The following VAV3 variants were observed in gnomAD, a reference collection of about 807,000 sequenced individuals.
VAV3 encodes guanine nucleotide exchange factor VAV3.
A neutral mutation model predicts 131.2 loss-of-function variants in VAV3; 94 were observed. The observed-to-expected ratio is 0.72, with a 90% CI of 0.61 to 0.85. The LOEUF (loss-of-function observed/expected upper bound fraction) is 0.85. VAV3 is among the 40% of genes least tolerant of loss of function. The probability of loss-of-function intolerance (pLI) is 0.00; values close to 1 mark genes in which losing one functional copy is unlikely to be tolerated. For missense variants in VAV3, 939 were observed against 1,002.7 expected (o/e 0.94, Z 0.86); for synonymous variants, 349 against 342.0 (o/e 1.02, Z -0.22).
chr1:107,845,352 C>G (rs1296978845), intron 2 of VAV3, among the ~76,000 whole-genome samples: 1 of 152,162 alleles, frequency 6.6e-6, no homozygotes, highest in African/African-American at 2.4e-5. Flanking sequence ...AAAACCAGCA[C>G]AAAAAGGCTG....
chr1:107,955,052 T>G (rs763497832), intron 1 of VAV3, among the ~76,000 whole-genome samples: 3 of 152,186 alleles, frequency 2.0e-5, no homozygotes, highest in Non-Finnish European at 4.4e-5. Context: ...GTGATAATCA[T>G]TATAGTAAAA....
chr1:107,816,631 C>T (rs191525304), intron 2 of VAV3, among the ~76,000 whole-genome samples: 76 of 152,274 alleles, frequency 5.0e-4, no homozygotes, highest in African/African-American at 1.7e-3. Flanking sequence ...TGTCTCTTGA[C>T]TCATTTATTT....
At chr1:107,654,042 T>C (rs1446073291) in intron 19 of VAV3, among the ~76,000 whole-genome samples, 1 of 152,100 alleles carries the variant, frequency 6.6e-6, no homozygotes, top group Non-Finnish European at 1.5e-5. Context: ...AATATTTTCA[T>C]TTACATATGA....
At chr1:107,702,808 A>C (rs375509538) in intron 17 of VAV3, among the ~76,000 whole-genome samples, 4 of 142,306 alleles carry the variant, frequency 2.8e-5, no homozygotes, top group Admixed American at 7.0e-5. Flanking sequence ...AAAAAAAAAA[A>C]AAACCTGATT....
chr1:107,834,662 G>C (rs562132767), intron 2 of VAV3, among the ~76,000 whole-genome samples: 6 of 151,512 alleles, frequency 4.0e-5, no homozygotes, highest in Admixed American at 2.6e-4. Context: ...CCCACCAAGA[G>C]AGACCAAAAT....
intron 25 of VAV3, chr1:107,576,280 G>C (rs748248100): frequency 8.3e-6 from 7 of 848,034 alleles, no homozygotes; most frequent in Non-Finnish European, 1.2e-5. Context: ...TGGAACTCGA[G>C]GGATTGTCTG....
chr1:107,880,802 A>C (rs1361319790), intron 1 of VAV3, among the ~76,000 whole-genome samples: 1 of 58,496 alleles, frequency 1.7e-5, no homozygotes, highest in Non-Finnish European at 3.4e-5. Context: ...TCTCCAAAAA[A>C]AAAAAAGAAA....
intron 21 of VAV3, among the ~76,000 whole-genome samples, chr1:107,615,218 A>T (rs973310306): frequency 2.0e-5 from 3 of 152,160 alleles, no homozygotes; most frequent in Non-Finnish European, 4.4e-5. Flanking sequence ...GGCAATGGGG[A>T]TAAGATTCCC....
At chr1:107,953,762 T>A (rs537863797) in intron 1 of VAV3, among the ~76,000 whole-genome samples, 2 of 152,282 alleles carry the variant, frequency 1.3e-5, no homozygotes, top group African/African-American at 4.8e-5. Context: ...AGCACGACGC[T>A]TGTTTATTCA....
At chr1:107,938,598 G>T (rs181891958) in intron 1 of VAV3, among the ~76,000 whole-genome samples, 3 of 152,184 alleles carry the variant, frequency 2.0e-5, no homozygotes, top group Non-Finnish European at 4.4e-5. Context: ...CCCAGTGGAT[G>T]ACTTGGTTGT....
intron 25 of VAV3, among the ~76,000 whole-genome samples, chr1:107,588,210 G>A (rs11185140): frequency 0.19 from 29,488 of 152,174 alleles, 3,157 homozygotes; most frequent in South Asian, 0.31. Context: ...ATGAAGATGT[G>A]CAATTGCAGT....
chr1:107,885,879 A>C (rs1336711546), intron 1 of VAV3, among the ~76,000 whole-genome samples: 2 of 152,206 alleles, frequency 1.3e-5, no homozygotes, highest in Non-Finnish European at 2.9e-5. Flanking sequence ...TGGGAGCTAC[A>C]GGTTCTTTCC....
chr1:107,958,517 G>C (rs1322251859), intron 1 of VAV3, among the ~76,000 whole-genome samples: 2 of 152,030 alleles, frequency 1.3e-5, no homozygotes, highest in African/African-American at 4.8e-5. Context: ...ATGTTCAAAG[G>C]GCAACACTGT....
At chr1:107,768,236 TTGAC>T (rs1187701767) in intron 7 of VAV3, among the ~76,000 whole-genome samples, 1 of 152,190 alleles carries the variant, frequency 6.6e-6, no homozygotes, top group Non-Finnish European at 1.5e-5. Context: ...TTCGTACATG[TTGAC>T]TGACTTTTGG....
At chr1:107,615,925 G>A (rs553621400) in intron 21 of VAV3, among the ~76,000 whole-genome samples, 2 of 152,216 alleles carry the variant, frequency 1.3e-5, no homozygotes, top group South Asian at 4.2e-4. Flanking sequence ...AGTAAGAATG[G>A]CTTTTATTAA....
chr1:107,659,150 T>C lies in VAV3; in HGVS notation c.1778-16395A>G, dbSNP rs538364409. ...TATAAGGTGTAAGGAAGGGATCCAGTTTCAGCTTTCTACATATGGCTAGCC... is the reference window on the plus strand; with the variant it reads ...TATAAGGTGTAAGGAAGGGATCCAGCTTCAGCTTTCTACATATGGCTAGCC... On this transcript the variant is annotated intron_variant, in intron 19 of 26. Coordinates refer to ENST00000370056, the MANE Select transcript of VAV3 (RefSeq NM_006113.5). Among the ~76,000 whole-genome samples the C allele has an allele frequency of 5.3e-5, 8 of 152,186 alleles. No individual in the cohort carries two copies. In the South Asian group the frequency reaches 1.7e-3, roughly 32 times the overall value.
chr1:107,932,957 A>G (rs1251609702), intron 1 of VAV3, among the ~76,000 whole-genome samples: 2 of 152,222 alleles, frequency 1.3e-5, no homozygotes, highest in African/African-American at 4.8e-5. Flanking sequence ...CTGTTAAAAT[A>G]CTGAATTTGG....
chr1:107,922,876 C>T (rs570632889), intron 1 of VAV3, among the ~76,000 whole-genome samples: 14 of 150,690 alleles, frequency 9.3e-5, no homozygotes, highest in South Asian at 4.2e-4. Flanking sequence ...GGCGTGAACC[C>T]GGGAGGCGGA....
chr1:107,575,674 T>C (rs549764854), intron 25 of VAV3, among the ~76,000 whole-genome samples: 28 of 152,184 alleles, frequency 1.8e-4, no homozygotes, highest in Non-Finnish European at 3.4e-4. Flanking sequence ...TGTGGTGACC[T>C]TGCATAGGTC....
Sources: gnomAD v4.1 joint callset for allele counts (sites outside exome capture counted in the v4.1 genomes callset) on GRCh38, gnomAD v4.1.1 for gene constraint, MANE v1.5 for transcripts, NCBI Gene and HGNC (gene_info 2026-07-23, HGNC 2026-07-21) for gene names.